The following MDGA2 variants were observed in gnomAD, a reference collection of about 807,000 sequenced individuals.
MDGA2 encodes the protein MAM domain containing glycosylphosphatidylinositol anchor 2, also known as MAM domain-containing glycosylphosphatidylinositol anchor protein 2.
Under a neutral mutation model 117.8 loss-of-function variants are expected in MDGA2, and 40 were observed. That is an observed-to-expected ratio of 0.34 (90% CI 0.26 to 0.44). The LOEUF (loss-of-function observed/expected upper bound fraction) is 0.44. Among genes scored for constraint, MDGA2 ranks in the 20% least tolerant of loss-of-function variants. The pLI is 1.00. For missense variants in MDGA2, 1,123 were observed against 1,250.6 expected (o/e 0.90, Z 1.54); for synonymous variants, 452 against 439.0 (o/e 1.03, Z -0.37).
chr14:47,417,050 G>C (rs1313170699), intron 1 of MDGA2, among the ~76,000 whole-genome samples: 1 of 152,120 alleles, frequency 6.6e-6, no homozygotes, highest in Non-Finnish European at 1.5e-5. Context: ...ATTGTGATGA[G>C]GTCTCATTGT....
intron 1 of MDGA2, among the ~76,000 whole-genome samples, chr14:47,580,668 G>GA (rs967902169): frequency 6.0e-5 from 9 of 148,862 alleles, no homozygotes; most frequent in East Asian, 2.0e-4. Flanking sequence ...AAAGCACAAA[G>GA]AAAAAAAAAG....
chr14:47,420,878 A>G (rs1892564496), intron 1 of MDGA2, among the ~76,000 whole-genome samples: 1 of 152,128 alleles, frequency 6.6e-6, no homozygotes, highest in Non-Finnish European at 1.5e-5. Flanking sequence ...TATTTCCTCT[A>G]TCAGGAAGAG....
chr14:46,863,028 G>A (rs1197815538), intron 14 of MDGA2, among the ~76,000 whole-genome samples: 5 of 151,874 alleles, frequency 3.3e-5, no homozygotes, highest in Admixed American at 1.3e-4. Context: ...CTATTTCTCT[G>A]ATGTAAGTCA....
rs926365946 is a variant in MDGA2 at position 47,061,514 on chromosome 14, A to C, written c.1260T>G (p.Ile420Met). 5.0e-6 allele frequency: 8 copies of C among 1,613,192 alleles called. No homozygotes were observed. Among genetic ancestry groups the C allele is most frequent in the Non-Finnish European group, 6.8e-6 (8 of 1,179,544 alleles). The change falls in exon 7 of 17, where the codon ATT becomes ATG. Residue 420 changes from isoleucine (I) to methionine (M), a missense_variant. Transcript: ENST00000399232. ...GGCAAGATATTTTCACCTCACGGCC[A>C]ATCTGGATGTTGTCATCTTTGTGAT... is the stretch of plus-strand genomic sequence containing the variant. The part of the protein sequence containing the change: ...DPYHKDDNIQ[I>M]GREVKISCQV...
intron 1 of MDGA2, among the ~76,000 whole-genome samples, chr14:47,601,856 A>G (rs1896654385): frequency 1.3e-5 from 2 of 152,156 alleles, no homozygotes; most frequent in African/African-American, 4.8e-5. Context: ...CTTTAATGAA[A>G]GTTGAACTTG....
intron 1 of MDGA2, among the ~76,000 whole-genome samples, chr14:47,578,116 C>T (rs1290397082): frequency 1.3e-5 from 2 of 152,114 alleles, no homozygotes; most frequent in Non-Finnish European, 2.9e-5. Context: ...ATGTCCTTTT[C>T]ATGGACATGG....
chr14:46,891,712 G>T (rs1325522703), intron 10 of MDGA2, among the ~76,000 whole-genome samples: 1 of 151,304 alleles, frequency 6.6e-6, no homozygotes, highest in Non-Finnish European at 1.5e-5. Context: ...GTTTCTAAAA[G>T]AATAGGTTAT....
chr14:46,928,929 G>A (rs1273422705), intron 9 of MDGA2, among the ~76,000 whole-genome samples: 2 of 152,042 alleles, frequency 1.3e-5, no homozygotes, highest in African/African-American at 2.4e-5. Context: ...ACATAATATA[G>A]TTGAAGCCAG....
At chr14:47,023,198 T>TAAAAAAAAAAAAA (rs71985853) in intron 8 of MDGA2, among the ~76,000 whole-genome samples, 10 of 102,840 alleles carry the variant, frequency 9.7e-5, no homozygotes, top group South Asian at 2.9e-4. Context: ...TTCCCACTCG[T>TAAAAAAAAAAAAA]AAAAAAAAAA....
chr14:47,028,396 T>C (rs1033545525), intron 8 of MDGA2, among the ~76,000 whole-genome samples: 7 of 152,148 alleles, frequency 4.6e-5, no homozygotes, highest in Non-Finnish European at 8.8e-5. Context: ...AGTGTAAATA[T>C]ATACAACCAT....
intron 10 of MDGA2, among the ~76,000 whole-genome samples, chr14:46,919,320 CA>C (rs1346975002): frequency 6.6e-6 from 1 of 152,100 alleles, no homozygotes; most frequent in African/African-American, 2.4e-5. Context: ...AATAAATCTT[CA>C]AAAATGTTTT....
chr14:47,362,536 TTTTC>T (rs1417186568), intron 1 of MDGA2, among the ~76,000 whole-genome samples: 1 of 152,178 alleles, frequency 6.6e-6, no homozygotes, highest in Non-Finnish European at 1.5e-5. Flanking sequence ...TTGCATTTAC[TTTTC>T]TTTCTTTTGT....
intron 3 of MDGA2, among the ~76,000 whole-genome samples, chr14:47,206,848 AC>A (rs1290044826): frequency 1.3e-5 from 2 of 151,870 alleles, no homozygotes; most frequent in Non-Finnish European, 2.9e-5. Flanking sequence ...CTATTATTGC[AC>A]CACTGTACTC....
chr14:47,313,472 G>A (rs1889708116), intron 1 of MDGA2, among the ~76,000 whole-genome samples: 1 of 151,748 alleles, frequency 6.6e-6, no homozygotes, highest in South Asian at 2.1e-4. Context: ...GTTTTGTTTT[G>A]TTTTGTAGAG....
intron 1 of MDGA2, among the ~76,000 whole-genome samples, chr14:47,546,129 G>T (rs888884251): frequency 3.3e-5 from 5 of 152,278 alleles, no homozygotes; most frequent in Non-Finnish European, 5.9e-5. Flanking sequence ...TGATAATTCA[G>T]AAGAAGAGAA....
intron 1 of MDGA2, among the ~76,000 whole-genome samples, chr14:47,597,800 T>C (rs920106412): frequency 1.3e-5 from 2 of 151,334 alleles, no homozygotes; most frequent in Admixed American, 6.6e-5. Context: ...GTTAAATATA[T>C]GGAAGATTCC....
chr14:47,174,282 T>C (rs1259772716), intron 3 of MDGA2, among the ~76,000 whole-genome samples: 2 of 152,082 alleles, frequency 1.3e-5, no homozygotes, highest in African/African-American at 4.8e-5. Flanking sequence ...TGAACTCAGC[T>C]CTGCACCAAG....
At chr14:47,011,608 C>T (rs1201289983) in intron 8 of MDGA2, among the ~76,000 whole-genome samples, 1 of 151,918 alleles carries the variant, frequency 6.6e-6, no homozygotes, top group Admixed American at 6.6e-5. Context: ...ATTAGTTTCA[C>T]ACTCTAGCAT....
intron 1 of MDGA2, among the ~76,000 whole-genome samples, chr14:47,594,145 T>C (rs1896493838): frequency 6.6e-6 from 1 of 152,176 alleles, no homozygotes; most frequent in South Asian, 2.1e-4. Context: ...GCAATAGTCC[T>C]CGTACAAAGT....
Sources: gnomAD v4.1 joint callset for allele counts (sites outside exome capture counted in the v4.1 genomes callset) on GRCh38, gnomAD v4.1.1 for gene constraint, MANE v1.5 for transcripts, NCBI Gene and HGNC (gene_info 2026-07-23, HGNC 2026-07-21) for gene names.